Variants in ANXA8 observed in about 807,000 individuals in gnomAD.
The protein encoded by ANXA8 is annexin A8.
A neutral mutation model predicts 26.8 loss-of-function variants in ANXA8; 9 were observed. The ratio of observed to expected loss-of-function variants is 0.34; its 90% CI spans 0.20 to 0.59. ANXA8 has a LOEUF of 0.59. Ranked by LOEUF, ANXA8 falls within the 20% of genes least tolerant of loss-of-function variation. The pLI is 0.84. For synonymous variants in ANXA8, 39 were observed against 94.8 expected (o/e 0.41, Z 3.42); for missense variants, 83 against 238.5 (o/e 0.35, Z 4.29).
chr10:47,592,486 C>T, the ANXA8 span, among the ~76,000 whole-genome samples: 148 of 149,372 alleles, frequency 9.9e-4, 2 homozygotes, highest in African/African-American at 3.4e-3. Flanking sequence ...GGTCCACATG[C>T]CCCCTTGCCT....
At chr10:47,609,254 A>C in the ANXA8 span, among the ~76,000 whole-genome samples, 1 of 147,910 alleles carries the variant, frequency 6.8e-6, no homozygotes, top group South Asian at 2.1e-4. Context: ...TTCATGAGAA[A>C]TGCCAAGGAG....
the ANXA8 span, among the ~76,000 whole-genome samples, chr10:47,773,723 AC>A: frequency 6.7e-6 from 1 of 149,692 alleles, no homozygotes; most frequent in Non-Finnish European, 1.5e-5. Context: ...TCGATTAAAA[AC>A]TGCCTATTGT....
At chr10:47,651,689 G>A in the ANXA8 span, among the ~76,000 whole-genome samples, 67 of 150,968 alleles carry the variant, frequency 4.4e-4, no homozygotes, top group Middle Eastern at 6.8e-3. Context: ...GAGGTTGGAA[G>A]TTTAAGACCA....
the ANXA8 span, among the ~76,000 whole-genome samples, chr10:47,671,486 T>A: frequency 0.027 from 3,531 of 130,638 alleles, no homozygotes; most frequent in African/African-American, 0.073. Flanking sequence ...AAGTGGGGGT[T>A]TGGAATCCTA....
At chr10:47,519,150 A>C in the ANXA8 span, among the ~76,000 whole-genome samples, 4 of 137,100 alleles carry the variant, frequency 2.9e-5, no homozygotes, top group Non-Finnish European at 4.6e-5. Context: ...GTAATAAGCA[A>C]ATTCTCATTA....
At chr10:47,733,183 T>TTCTTTCTCTCTCTCTC in the ANXA8 span, among the ~76,000 whole-genome samples, 1 of 86,960 alleles carries the variant, frequency 1.1e-5, no homozygotes, top group Non-Finnish European at 2.9e-5. Context: ...CTTTCTTTCT[T>TTCTTTCTCTCTCTCTC]TCTTTCTTTC....
At chr10:47,687,456 A>T in the ANXA8 span, among the ~76,000 whole-genome samples, 1 of 151,238 alleles carries the variant, frequency 6.6e-6, no homozygotes, top group African/African-American at 2.4e-5. Flanking sequence ...GTAGAGATGA[A>T]GTTTCGCCAT....
the ANXA8 span, chr10:47,986,278 G>A: frequency 5.9e-6 from 1 of 169,234 alleles, no homozygotes; most frequent in Non-Finnish European, 1.3e-5. Flanking sequence ...TGTGTGTACT[G>A]GCATTTGTCT....
chr10:47,761,586 C>G, the ANXA8 span: 1 of 1,323,836 alleles, frequency 7.6e-7, no homozygotes, highest in South Asian at 1.3e-5. Context: ...CAGCTTGCCC[C>G]GATCAACAGC....
At chr10:47,491,748 C>G in the ANXA8 span, 11 of 1,546,452 alleles carry the variant, frequency 7.1e-6, no homozygotes, top group African/African-American at 1.5e-4. Context: ...GCCTCTGGTG[C>G]CTATCTAGGC....
the ANXA8 span, among the ~76,000 whole-genome samples, chr10:47,651,528 A>C: frequency 6.6e-6 from 1 of 150,592 alleles, no homozygotes; most frequent in African/African-American, 2.5e-5. Context: ...CATGAGTGTT[A>C]ATAGCAACAA....
chr10:47,757,549 C>T, the ANXA8 span, among the ~76,000 whole-genome samples: 6 of 74,768 alleles, frequency 8.0e-5, 3 homozygotes, highest in African/African-American at 2.2e-4. Flanking sequence ...GGAGTCACAC[C>T]CAGGTCTGAG....
the ANXA8 span, among the ~76,000 whole-genome samples, chr10:47,980,839 A>G: frequency 3.3e-5 from 5 of 151,032 alleles, no homozygotes; most frequent in East Asian, 9.7e-4. Flanking sequence ...GAAACTCACC[A>G]TGCACAAAAA....
At chr10:47,706,710 A>G in the ANXA8 span, 2 of 1,481,504 alleles carry the variant, frequency 1.3e-6, no homozygotes, top group Admixed American at 3.6e-5. Context: ...GGCAGAAAAA[A>G]TGGACGGGGG....
At chr10:47,618,879 ACT>A in the ANXA8 span, among the ~76,000 whole-genome samples, 1 of 114,350 alleles carries the variant, frequency 8.7e-6, no homozygotes, top group Admixed American at 9.2e-5. Flanking sequence ...TAGGTATCTT[ACT>A]CTCTTATTTT....
the ANXA8 span, among the ~76,000 whole-genome samples, chr10:47,650,363 A>G: frequency 2.0e-5 from 3 of 148,044 alleles, no homozygotes; most frequent in African/African-American, 5.0e-5. Flanking sequence ...AAAAACTTCT[A>G]TGTTTCAAAG....
the ANXA8 span, among the ~76,000 whole-genome samples, chr10:47,673,215 C>G: frequency 6.6e-6 from 1 of 151,636 alleles, no homozygotes; most frequent in East Asian, 1.9e-4. Flanking sequence ...AGTAGTAAGC[C>G]AAAAGCCTGG....
the ANXA8 span, among the ~76,000 whole-genome samples, chr10:47,957,672 C>T: frequency 1.4e-3 from 202 of 149,040 alleles, 2 homozygotes; most frequent in South Asian, 8.6e-3. Context: ...GTCAGAAGTC[C>T]GAAATCACAG....
At position 47,482,133 on chromosome 10, in the gene ANXA8, G is replaced by C. The variant is rs1365527622; in HGVS notation, c.21+1780C>G. Among the ~76,000 whole-genome samples, 329 of 130,378 alleles carry C rather than the reference G, an allele frequency of 2.5e-3. 51 individuals carry two copies. The highest frequency in any genetic ancestry group is 3.4e-3 in the Non-Finnish European group (211 of 61,838). The allele number at this position is 130,378 out of a possible 152,430, so 85.5% of individuals were successfully genotyped here. A position where few individuals can be genotyped will look rare whatever the true frequency, so the allele number is the denominator to read the frequency against. On this transcript the variant is annotated intron_variant, in intron 1 of 11. Transcript: ENST00000585281. Reference sequence around the variant, plus strand: ...CTCATCTCCTCCCATCGCGTTCCTGGCCCAGCTTTGTGCCTAGAGGACACT... The same window carrying C: ...CTCATCTCCTCCCATCGCGTTCCTGCCCCAGCTTTGTGCCTAGAGGACACT...
Sources: gnomAD v4.1 joint callset for allele counts (sites outside exome capture counted in the v4.1 genomes callset) on GRCh38, gnomAD v4.1.1 for gene constraint, MANE v1.5 for transcripts, NCBI Gene and HGNC (gene_info 2026-07-23, HGNC 2026-07-21) for gene names.